Variants in PCLO observed in about 807,000 individuals in gnomAD.
PCLO encodes piccolo presynaptic cytomatrix protein, also known as protein piccolo.
A neutral mutation model predicts 427.5 loss-of-function variants in PCLO; 82 were observed. The ratio of observed to expected loss-of-function variants is 0.19; its 90% CI spans 0.16 to 0.23. The LOEUF (loss-of-function observed/expected upper bound fraction) is 0.23. PCLO is among the 10% of genes least tolerant of loss of function. The pLI, the probability that PCLO is intolerant of heterozygous loss-of-function variation, is 1.00. For synonymous variants in PCLO, 2,357 were observed against 2,155.4 expected, an observed-to-expected ratio of 1.09 and a Z score of -2.59; for missense variants, 6,239 against 6,115.9, an observed-to-expected ratio of 1.02 and a Z score of -0.67.
Position 82,915,062 on chromosome 7 carries a change from A to G in PCLO, c.12924T>C (p.Asp4308=), listed in dbSNP as rs148306873. The change falls in exon 7 of 25, where the codon GAT becomes GAC. Residue 4308 remains aspartate, a synonymous_variant. Coordinates refer to ENST00000333891, the MANE Select transcript of PCLO (RefSeq NM_033026.6). ...TCAGTCTTAGGGAAGAGCTAGAAGA[A>G]TCCCTTTTAATTGATAAATCAAGCC... ...VYGLDLSIKR[D]SSSSSLRLKA... 2 of 1,611,670 alleles carry G rather than the reference A, an allele frequency of 1.2e-6. No individual in the cohort carries two copies. The highest frequency in any genetic ancestry group is 2.7e-5 in the African/African-American group (2 of 74,892).
At chr7:82,815,138 T>C (rs963239527) in intron 20 of PCLO, among the ~76,000 whole-genome samples, 3 of 152,062 alleles carry the variant, frequency 2.0e-5, no homozygotes, top group African/African-American at 7.2e-5. Flanking sequence ...TCTAGAAATA[T>C]ATGGCATGAA....
chr7:82,849,798 AT>A (rs1312929098), intron 10 of PCLO, among the ~76,000 whole-genome samples: 2 of 152,142 alleles, frequency 1.3e-5, no homozygotes, highest in Non-Finnish European at 2.9e-5. Flanking sequence ...GAATATAAGC[AT>A]TTTTAGTCTC....
At chr7:82,964,863 G>A (rs1795729756) in intron 4 of PCLO, among the ~76,000 whole-genome samples, 1 of 152,184 alleles carries the variant, frequency 6.6e-6, no homozygotes, top group Non-Finnish European at 1.5e-5. Flanking sequence ...TGGTAAGCAT[G>A]TGTTAAAACT....
intron 14 of PCLO, 90 bp from the exon 15 acceptor site, chr7:82,838,432 C>T: frequency 1.3e-6 from 1 of 743,776 alleles, no homozygotes; most frequent in Non-Finnish European, 2.1e-6. Context: ...AAAGAAAATT[C>T]TTATAAGAAG....
At chr7:83,028,161 C>T (rs1234129854) in intron 3 of PCLO, among the ~76,000 whole-genome samples, 2 of 152,166 alleles carry the variant, frequency 1.3e-5, no homozygotes, top group Non-Finnish European at 2.9e-5. Context: ...AAGAGGAAGT[C>T]AAATTGTCCC....
In PCLO at chr7:82,954,851, A is replaced by G; in HGVS notation, c.6102T>C (p.Phe2034=). 1 of 1,613,952 alleles carries G rather than the reference A, an allele frequency of 6.2e-7. No homozygotes were observed. Among genetic ancestry groups the G allele is most frequent in the Non-Finnish European group, 8.5e-7 (1 of 1,179,866 alleles). Residue 2034 remains phenylalanine, a synonymous_variant, in exon 5 of 25, where the codon TTT becomes TTC. Transcript: ENST00000333891. ...VPQEDIVSSS[F]IIPESHEIVD... ...CTATCTCATGGCTTTCTGGGATGATAAAAGAGCTTGAAACAATATCTTCCT... is the reference window on the plus strand; with the variant it reads ...CTATCTCATGGCTTTCTGGGATGATGAAAGAGCTTGAAACAATATCTTCCT...
In PCLO at chr7:83,118,585, G is replaced by C. The variant is rs114541565; in HGVS notation, c.3300+15665C>G. On this transcript the variant is annotated intron_variant, in intron 3 of 24. Transcript: ENST00000333891. ...TTGTAGGACCCTGCATTGGAACTCA[G>C]TGCTTCCCTGTCACAGCAGAACACA... Among the ~76,000 whole-genome samples the C allele has an allele frequency of 4.5e-3, 680 of 152,124 alleles. 5 individuals carry two copies. Among genetic ancestry groups the C allele is most frequent in the African/African-American group, 0.016 (652 of 41,494 alleles).
chr7:82,885,909 A>G (rs188064629), intron 9 of PCLO, among the ~76,000 whole-genome samples: 22 of 152,240 alleles, frequency 1.4e-4, no homozygotes, highest in African/African-American at 4.6e-4. Flanking sequence ...TCTTTCTCCA[A>G]AGAAGTGACT....
intron 3 of PCLO, among the ~76,000 whole-genome samples, chr7:83,014,602 G>GA (rs961505004): frequency 7.6e-4 from 111 of 146,366 alleles, no homozygotes; most frequent in African/African-American, 1.2e-3. Context: ...AATATAGAAT[G>GA]AAAAAAAAAA....
chr7:83,004,954 G>A (rs542191036), intron 3 of PCLO, among the ~76,000 whole-genome samples: 3 of 151,182 alleles, frequency 2.0e-5, no homozygotes, highest in South Asian at 2.1e-4. Flanking sequence ...AGGAAAACGC[G>A]AATCAAAAAC....
chr7:83,068,099 T>C (rs1400622648), intron 3 of PCLO, among the ~76,000 whole-genome samples: 2 of 152,178 alleles, frequency 1.3e-5, no homozygotes, highest in African/African-American at 2.4e-5. Flanking sequence ...AACTGAAATT[T>C]AGCTGTTCCC....
intron 13 of PCLO, among the ~76,000 whole-genome samples, chr7:82,843,562 A>G (rs919868948): frequency 6.6e-6 from 1 of 152,210 alleles, no homozygotes; most frequent in Non-Finnish European, 1.5e-5. Context: ...TAAGCCAAAT[A>G]TTTCAGAGGA....
At chr7:83,129,243 T>C (rs1461209903) in intron 3 of PCLO, among the ~76,000 whole-genome samples, 1 of 152,212 alleles carries the variant, frequency 6.6e-6, no homozygotes, top group East Asian at 1.9e-4. Flanking sequence ...CTTGGCACAA[T>C]TGCCTCACAT....
At chr7:83,113,611 T>C (rs921270091) in intron 3 of PCLO, among the ~76,000 whole-genome samples, 1 of 152,138 alleles carries the variant, frequency 6.6e-6, no homozygotes, top group Non-Finnish European at 1.5e-5. Flanking sequence ...TGTAATAACA[T>C]ATAGGATTAA....
At chr7:82,987,973 A>G (rs1032508014) in intron 3 of PCLO, among the ~76,000 whole-genome samples, 2 of 152,178 alleles carry the variant, frequency 1.3e-5, no homozygotes, top group African/African-American at 4.8e-5. Context: ...TGGAGACAGC[A>G]TATTATCAAA....
chr7:82,907,811 G>A (rs1794226834), intron 8 of PCLO, among the ~76,000 whole-genome samples: 1 of 151,888 alleles, frequency 6.6e-6, no homozygotes, highest in African/African-American at 2.4e-5. Context: ...AAAAAATTCT[G>A]TTTAATAGGT....
chr7:83,107,630 T>C (rs1790890434), intron 3 of PCLO, among the ~76,000 whole-genome samples: 1 of 150,356 alleles, frequency 6.7e-6, no homozygotes, highest in African/African-American at 2.4e-5. Context: ...CTAAAACCAG[T>C]TATTAATAAT....
In PCLO at chr7:83,003,306, G is replaced by A. The variant is rs921659411; in HGVS notation, c.3301-36819C>T. On this transcript the variant is annotated intron_variant, in intron 3 of 24. Coordinates refer to ENST00000333891, the MANE Select transcript of PCLO (RefSeq NM_033026.6). ...TTTTTATAAAATAAACTAGAATTTT[G>A]AGAAAAGACTAAGAATAAAATATTC... Among the ~76,000 whole-genome samples the A allele has an allele frequency of 3.3e-5, 5 of 151,444 alleles. No individual in the cohort carries two copies. The East Asian group carries it at 9.7e-4, about 29-fold the overall frequency.
At chr7:82,928,387 A>T (rs1794763727) in intron 6 of PCLO, among the ~76,000 whole-genome samples, 1 of 152,178 alleles carries the variant, frequency 6.6e-6, no homozygotes. Flanking sequence ...TTATTTATAT[A>T]ACAGTGTCCA....
Sources: gnomAD v4.1 joint callset for allele counts (sites outside exome capture counted in the v4.1 genomes callset) on GRCh38, gnomAD v4.1.1 for gene constraint, MANE v1.5 for transcripts, NCBI Gene and HGNC (gene_info 2026-07-23, HGNC 2026-07-21) for gene names.